Variants in EPHA5 observed in about 807,000 individuals in gnomAD.
EPHA5 encodes ephrin type-A receptor 5.
In EPHA5, 60 loss-of-function variants were observed where a neutral mutation model predicts 105.0. That is an observed-to-expected ratio of 0.57 (90% confidence interval 0.46 to 0.71). The LOEUF is 0.71. EPHA5 is among the 30% of genes least tolerant of loss of function. The pLI is 0.00. For missense variants in EPHA5, 1,218 were observed against 1,274.7 expected (o/e 0.96, Z 0.68); for synonymous variants, 513 against 449.1 (o/e 1.14, Z -1.80).
intron 3 of EPHA5, among the ~76,000 whole-genome samples, chr4:65,600,531 T>C (rs1743615625): frequency 6.6e-6 from 1 of 152,246 alleles, no homozygotes; most frequent in East Asian, 1.9e-4. Flanking sequence ...ATTTCCCTAG[T>C]TTTGTTTCCC....
intron 8 of EPHA5, among the ~76,000 whole-genome samples, chr4:65,378,786 C>A (rs1719267927): frequency 6.6e-6 from 1 of 151,802 alleles, no homozygotes; most frequent in Non-Finnish European, 1.5e-5. Context: ...TTCTTTCTTT[C>A]TTTCTTTTTT....
At chr4:65,345,478 G>A (rs75875576) in intron 14 of EPHA5, among the ~76,000 whole-genome samples, 2,839 of 152,332 alleles carry the variant, frequency 0.019, 110 homozygotes, top group African/African-American at 0.065. Context: ...TATCTGCAAA[G>A]AGAAGGCACT....
intron 5 of EPHA5, among the ~76,000 whole-genome samples, chr4:65,472,135 C>T (rs13139257): frequency 0.22 from 33,427 of 151,962 alleles, 4,471 homozygotes; most frequent in Middle Eastern, 0.36. Flanking sequence ...AGAAATTGAC[C>T]GAACGAAGGG....
chr4:65,645,627 T>C (rs1401667946), intron 1 of EPHA5, among the ~76,000 whole-genome samples: 3 of 151,822 alleles, frequency 2.0e-5, no homozygotes, highest in Admixed American at 6.6e-5. Context: ...TTTTTTTTTT[T>C]CCTGGAAAAT....
intron 3 of EPHA5, among the ~76,000 whole-genome samples, chr4:65,498,798 T>C (rs147452519): frequency 6.6e-5 from 10 of 151,702 alleles, no homozygotes; most frequent in South Asian, 2.1e-4. Flanking sequence ...GTTGAAGTAA[T>C]GCAAATAGAT....
chr4:65,388,917 A>C (rs1720417577), intron 8 of EPHA5, among the ~76,000 whole-genome samples: 1 of 152,002 alleles, frequency 6.6e-6, no homozygotes, highest in Admixed American at 6.6e-5. Context: ...GGTAATGCCT[A>C]GGTTTTATTC....
At chr4:65,365,649 CTATA>C (rs57048004) in intron 10 of EPHA5, among the ~76,000 whole-genome samples, 8,594 of 63,576 alleles carry the variant, frequency 0.14, 585 homozygotes, top group African/African-American at 0.16. Flanking sequence ...TACAAATTCA[CTATA>C]TATATATATA....
intron 3 of EPHA5, among the ~76,000 whole-genome samples, chr4:65,547,879 T>C (rs1737536749): frequency 6.6e-6 from 1 of 152,034 alleles, no homozygotes; most frequent in Non-Finnish European, 1.5e-5. Flanking sequence ...CAATCTTATA[T>C]AGAATTCTGT....
rs554759607 is a variant in EPHA5, at chr4:65,495,270, G to A, written c.1066+118C>T. On this transcript the variant is annotated intron_variant, in intron 4 of 16. Transcript: ENST00000613740. ...AAATTGGTGAAAACTGTATAGAGAT[G>A]ATTAAACATTATGTCTGTTTTAGGG... The A allele has an allele frequency of 1.2e-5, 14 of 1,137,608 alleles. No homozygotes were observed. The South Asian group carries it at 1.9e-4, about 15-fold the overall frequency. 70.5% of individuals were successfully genotyped at this position (1,137,608 alleles called of 1,614,324 possible). A position where few individuals can be genotyped will look rare whatever the true frequency, so the allele number is the denominator to read the frequency against.
intron 3 of EPHA5, among the ~76,000 whole-genome samples, chr4:65,526,138 A>G (rs1735207439): frequency 6.6e-6 from 1 of 151,902 alleles, no homozygotes; most frequent in African/African-American, 2.4e-5. Flanking sequence ...TTATCAAATC[A>G]GATAAATTGA....
At chr4:65,343,949 A>C (rs1010316430) in intron 14 of EPHA5, among the ~76,000 whole-genome samples, 1 of 152,188 alleles carries the variant, frequency 6.6e-6, no homozygotes, top group Non-Finnish European at 1.5e-5. Context: ...AAAGAGTATC[A>C]AGACACTCAA....
intron 3 of EPHA5, among the ~76,000 whole-genome samples, chr4:65,512,821 TA>T (rs1366000455): frequency 6.6e-6 from 1 of 152,072 alleles, no homozygotes; most frequent in African/African-American, 2.4e-5. Flanking sequence ...GGCGAACCAT[TA>T]AACACCAAGA....
At chr4:65,345,672 A>C (rs1722146061) in intron 14 of EPHA5, among the ~76,000 whole-genome samples, 1 of 151,550 alleles carries the variant, frequency 6.6e-6, no homozygotes, top group Non-Finnish European at 1.5e-5. Context: ...AAGAGCTCAG[A>C]CAGATAACTC....
intron 8 of EPHA5, among the ~76,000 whole-genome samples, chr4:65,397,811 C>A (rs952738161): frequency 6.6e-6 from 1 of 152,058 alleles, no homozygotes; most frequent in African/African-American, 2.4e-5. Flanking sequence ...CTGCTGTTTT[C>A]CCCAGAAAAA....
At chr4:65,370,941 C>T (rs917150241) in intron 8 of EPHA5, among the ~76,000 whole-genome samples, 1 of 152,042 alleles carries the variant, frequency 6.6e-6, no homozygotes, top group Admixed American at 6.6e-5. Context: ...CATTCAGTCT[C>T]ACTGAAAAAG....
chr4:65,530,370 A>G (rs1735649491), intron 3 of EPHA5, among the ~76,000 whole-genome samples: 1 of 151,920 alleles, frequency 6.6e-6, no homozygotes, highest in Non-Finnish European at 1.5e-5. Context: ...CAATTGGCAG[A>G]AAATACTAAG....
At chr4:65,649,761 T>C (rs1748432842) in intron 1 of EPHA5, among the ~76,000 whole-genome samples, 1 of 152,182 alleles carries the variant, frequency 6.6e-6, no homozygotes, top group African/African-American at 2.4e-5. Context: ...ATTGCGTAGC[T>C]CTGAGCTCCT....
intron 5 of EPHA5, among the ~76,000 whole-genome samples, chr4:65,473,757 T>C (rs1348176128): frequency 1.3e-5 from 2 of 152,120 alleles, no homozygotes; most frequent in African/African-American, 4.8e-5. Context: ...AGGTTTAGGG[T>C]ACAAATGATC....
intron 5 of EPHA5, among the ~76,000 whole-genome samples, chr4:65,433,367 A>G (rs2149068342): frequency 6.6e-6 from 1 of 152,342 alleles, no homozygotes; most frequent in African/African-American, 2.4e-5. Flanking sequence ...TCAGTGAAAC[A>G]AAGTTGTAAG....
Sources: allele counts gnomAD v4.1 joint callset (sites outside exome capture counted in the v4.1 genomes callset), GRCh38; gene constraint gnomAD v4.1.1; transcripts MANE v1.5; gene names NCBI Gene and HGNC (gene_info 2026-07-23, HGNC 2026-07-21).